TRIM49C: variants seen among roughly 807,000 people sequenced by gnomAD.
TRIM49C encodes tripartite motif-containing protein 49C.
TRIM49C carries 6 observed loss-of-function variants against 21.4 expected under a neutral mutation model. That is an observed-to-expected ratio of 0.28 (90% CI 0.15 to 0.55). The LOEUF is 0.55. Ranked by LOEUF, TRIM49C falls within the 20% of genes least tolerant of loss-of-function variation. TRIM49C has a pLI of 0.94. For missense variants in TRIM49C, 161 were observed against 442.4 expected, an observed-to-expected ratio of 0.36 and a Z score of 5.71; for synonymous variants, 57 against 148.1, an observed-to-expected ratio of 0.38 and a Z score of 4.47.
chr11:90,046,444 C>T (rs1322924546), downstream of TRIM49C, among the ~76,000 whole-genome samples: 7 of 125,722 alleles, frequency 5.6e-5, 1 homozygote, highest in Non-Finnish European at 1.1e-4. Flanking sequence ...ATAATTATTG[C>T]CTTAATTTCA....
At chr11:90,072,438 G>A in the TRIM49C span, among the ~76,000 whole-genome samples, 5 of 146,272 alleles carry the variant, frequency 3.4e-5, 1 homozygote, top group African/African-American at 1.3e-4. Flanking sequence ...TCAGAAGGCA[G>A]ATTCAGATTT....
intron 4 of TRIM49C, among the ~76,000 whole-genome samples, chr11:90,036,728 T>C (rs1409753115): frequency 1.4e-5 from 2 of 138,208 alleles, no homozygotes; most frequent in African/African-American, 5.1e-5. Flanking sequence ...AATTAGAAAA[T>C]ATACTAGTAA....
chr11:90,060,297 T>G, the TRIM49C span, among the ~76,000 whole-genome samples: 1 of 144,960 alleles, frequency 6.9e-6, no homozygotes, highest in East Asian at 2.1e-4. Context: ...TATATAATGT[T>G]AATTATGAGA....
At chr11:90,049,192 G>T in the TRIM49C span, among the ~76,000 whole-genome samples, 20 of 121,828 alleles carry the variant, frequency 1.6e-4, 8 homozygotes, top group Non-Finnish European at 3.2e-4. Context: ...GGTGCCTCCT[G>T]GTTAGGCTAC....
downstream of TRIM49C, among the ~76,000 whole-genome samples, chr11:90,046,868 A>G (rs1310999667): frequency 8.1e-6 from 1 of 123,050 alleles, no homozygotes; most frequent in Non-Finnish European, 1.7e-5. Context: ...TTAGGGTGTC[A>G]ATTTTGGATC....
chr11:90,049,585 C>G, the TRIM49C span, among the ~76,000 whole-genome samples: 1 of 75,254 alleles, frequency 1.3e-5, no homozygotes. Flanking sequence ...TCCTGGTGTG[C>G]CGTTTGCTAA....
the TRIM49C span, among the ~76,000 whole-genome samples, chr11:90,070,795 A>T: frequency 7.1e-6 from 1 of 141,704 alleles, no homozygotes; most frequent in Non-Finnish European, 1.5e-5. Flanking sequence ...TGTTTCTTTG[A>T]TTCTTTGTTT....
chr11:90,048,296 C>A, the TRIM49C span, among the ~76,000 whole-genome samples: 1 of 116,582 alleles, frequency 8.6e-6, no homozygotes, highest in African/African-American at 3.6e-5. Flanking sequence ...TCTATATTTC[C>A]TGAATTTGAA....
chr11:90,056,879 T>G, the TRIM49C span, among the ~76,000 whole-genome samples: 2 of 145,216 alleles, frequency 1.4e-5, no homozygotes, highest in African/African-American at 2.7e-5. Context: ...CTGAAAAACT[T>G]TTGTATGAGC....
chr11:90,034,032 T>C (rs1271165539), intron 2 of TRIM49C, among the ~76,000 whole-genome samples: 1 of 128,670 alleles, frequency 7.8e-6, no homozygotes, highest in East Asian at 2.3e-4. Context: ...TGATTCTACA[T>C]GGGACAGAAT....
the TRIM49C span, among the ~76,000 whole-genome samples, chr11:90,063,558 C>A: frequency 4.5e-3 from 644 of 142,714 alleles, 3 homozygotes; most frequent in African/African-American, 0.016. Context: ...AAAAAATCAG[C>A]AGGGCGTGGT....
At chr11:90,062,419 TAG>T in the TRIM49C span, among the ~76,000 whole-genome samples, 1 of 139,066 alleles carries the variant, frequency 7.2e-6, no homozygotes, top group Non-Finnish European at 1.6e-5. Context: ...CAGCTGTGAT[TAG>T]AGTGCCAAAT....
chr11:90,034,614 T>A (rs1281836329), intron 2 of TRIM49C, among the ~76,000 whole-genome samples: 2 of 123,204 alleles, frequency 1.6e-5, no homozygotes, highest in South Asian at 2.8e-4. Flanking sequence ...TGGCTTTTTT[T>A]AAATTTTGTT....
At chr11:90,036,615 TTAAAA>T (rs944257243) in intron 4 of TRIM49C, among the ~76,000 whole-genome samples, 1 of 137,130 alleles carries the variant, frequency 7.3e-6, no homozygotes, top group Non-Finnish European at 1.6e-5. Context: ...CAGAAAAACA[TTAAAA>T]TAATTTTCTC....
At chr11:90,049,268 A>G in the TRIM49C span, among the ~76,000 whole-genome samples, 47 of 107,392 alleles carry the variant, frequency 4.4e-4, 7 homozygotes, top group Non-Finnish European at 5.1e-4. Context: ...TGGGAGAACC[A>G]CTACTCTCTT....
chr11:90,052,046 G>T, the TRIM49C span: 114 of 625,294 alleles, frequency 1.8e-4, 17 homozygotes, highest in East Asian at 3.8e-3. Flanking sequence ...AGGCGGACCC[G>T]GGGCACCACC....
the TRIM49C span, among the ~76,000 whole-genome samples, chr11:90,069,416 A>G: frequency 1.5e-5 from 2 of 131,398 alleles, 1 homozygote; most frequent in Non-Finnish European, 3.2e-5. Flanking sequence ...TGCCTGGCCC[A>G]AAATTGAATT....
At chr11:90,043,087 T>C (rs1288852570), downstream of TRIM49C, among the ~76,000 whole-genome samples, 12 of 133,986 alleles carry the variant, frequency 9.0e-5, no homozygotes, top group African/African-American at 3.3e-4. Context: ...TGTGGAATTA[T>C]AACTTTTAAG....
chr11:90,060,420 C>G, the TRIM49C span, among the ~76,000 whole-genome samples: 1 of 151,586 alleles, frequency 6.6e-6, no homozygotes, highest in African/African-American at 2.4e-5. Context: ...ATGTTAATAA[C>G]AGAACCTCAA....
Sources: allele counts gnomAD v4.1 joint callset (sites outside exome capture counted in the v4.1 genomes callset), GRCh38; gene constraint gnomAD v4.1.1; transcripts MANE v1.5; gene names NCBI Gene and HGNC (gene_info 2026-07-23, HGNC 2026-07-21).